Variants in PAPPA observed in about 807,000 individuals in gnomAD.
PAPPA encodes the protein pappalysin 1.
In PAPPA, 60 loss-of-function variants were observed where a neutral mutation model predicts 164.0. The ratio of observed to expected loss-of-function variants is 0.37; its 90% confidence interval spans 0.30 to 0.45. The LOEUF (loss-of-function observed/expected upper bound fraction) is 0.45. Among genes scored for constraint, PAPPA ranks in the 20% least tolerant of loss-of-function variants. The probability of loss-of-function intolerance (pLI) is 1.00; values close to 1 mark genes in which losing one functional copy is unlikely to be tolerated. For missense variants in PAPPA, 1,782 were observed against 2,087.3 expected (o/e 0.85, Z 2.85); for synonymous variants, 875 against 814.1 (o/e 1.07, Z -1.27).
chr9:116,292,455 A>C (rs1056782635), intron 9 of PAPPA, among the ~76,000 whole-genome samples: 1 of 152,138 alleles, frequency 6.6e-6, no homozygotes, highest in Non-Finnish European at 1.5e-5. Flanking sequence ...AGGAGCCTAT[A>C]AGGTATACTG....
At chr9:116,333,334 C>T (rs753543259) in intron 12 of PAPPA, among the ~76,000 whole-genome samples, 9 of 152,168 alleles carry the variant, frequency 5.9e-5, no homozygotes, top group Admixed American at 5.9e-4. Context: ...TGTAACCATG[C>T]CTAGCACAAG....
intron 9 of PAPPA, among the ~76,000 whole-genome samples, chr9:116,296,189 G>A (rs1845504201): frequency 6.6e-6 from 1 of 152,204 alleles, no homozygotes. Flanking sequence ...TAGTGAAGCT[G>A]ATAAATCTTT....
chr9:116,360,964 A>T (rs1238332629), intron 17 of PAPPA, among the ~76,000 whole-genome samples: 3 of 152,202 alleles, frequency 2.0e-5, no homozygotes, highest in Admixed American at 2.0e-4. Flanking sequence ...GTTGTGCCAG[A>T]TAAGGTATTT....
chr9:116,211,724 C>T lies in PAPPA; in HGVS notation c.1710C>T (p.Leu570=). The change falls in exon 4 of 22, where the codon CTC becomes CTT. Residue 570 remains leucine (L), a synonymous_variant. Coordinates refer to ENST00000328252, the MANE Select transcript of PAPPA (RefSeq NM_002581.5). Reference sequence around the variant, plus strand: ...ATGAGATTGGTCACAGCCTGGGCCTCTATCACGTCTTCCGAGGCATCTCAG... The same window carrying T: ...ATGAGATTGGTCACAGCCTGGGCCTTTATCACGTCTTCCGAGGCATCTCAG... The part of the protein sequence containing the change: ...MIHEIGHSLG[L]YHVFRGISEI... 6.2e-7 allele frequency: 1 copy of T among 1,614,126 alleles called. No individual in the cohort carries two copies. Among genetic ancestry groups the T allele is most frequent in the Non-Finnish European group, 8.5e-7 (1 of 1,179,998 alleles).
In PAPPA at chr9:116,401,575, G is replaced by C. The variant is rs1273851645; in HGVS notation, c.*4959G>C. ...ACATATATATGCACATGTATATATA[G>C]TTGTACATATATGTGTGTATATATA... On this transcript the variant is annotated 3_prime_UTR_variant, in exon 22 of 22. Coordinates refer to ENST00000328252, the MANE Select transcript of PAPPA (RefSeq NM_002581.5). 6.6e-6 allele frequency: 1 copy of C among 150,820 alleles called. No homozygotes were observed. The highest frequency in any genetic ancestry group is 1.5e-5 in the Non-Finnish European group (1 of 67,710). 9.3% of individuals were successfully genotyped at this position (150,820 alleles called of 1,614,324 possible). A position where few individuals can be genotyped will look rare whatever the true frequency, so the allele number is the denominator to read the frequency against.
chr9:116,362,228 G>A (rs1465712894), intron 17 of PAPPA, among the ~76,000 whole-genome samples: 1 of 151,904 alleles, frequency 6.6e-6, no homozygotes, highest in East Asian at 1.9e-4. Context: ...GTCATTCAAG[G>A]AGCTGATGGG....
intron 11 of PAPPA, 49 bp from the exon 12 acceptor site, chr9:116,332,284 C>T (rs777678321): frequency 2.5e-6 from 4 of 1,571,024 alleles, no homozygotes; most frequent in Non-Finnish European, 3.5e-6. Flanking sequence ...TGCCTCCCCA[C>T]CACATGACTG....
rs185986110 is a variant in PAPPA, at chr9:116,365,487, G to A, written c.4496-2158G>A. 1.4e-4 allele frequency among the ~76,000 whole-genome samples: 21 copies of A among 151,472 alleles called. No individual in the cohort carries two copies. In the East Asian group the frequency reaches 2.9e-3, roughly 21 times the overall value. On this transcript the variant is annotated intron_variant, in intron 18 of 21. Transcript: ENST00000328252. ...AGGAGAGCCTGGGGGAGGGAGACGC[G>A]GAGAAAGAGAAATTAAGACATGACC...
intron 18 of PAPPA, among the ~76,000 whole-genome samples, chr9:116,366,914 C>T (rs1202513160): frequency 1.3e-5 from 2 of 152,064 alleles, no homozygotes; most frequent in East Asian, 3.9e-4. Context: ...CTTTAAGGCA[C>T]AGGGAAAGGC....
chr9:116,323,298 T>A (rs1482337144), intron 10 of PAPPA, among the ~76,000 whole-genome samples: 1 of 151,608 alleles, frequency 6.6e-6, no homozygotes, highest in Non-Finnish European at 1.5e-5. Context: ...AGCCACAGAG[T>A]CCTCTGTTTC....
At chr9:116,213,546 T>C (rs1242628460) in intron 4 of PAPPA, among the ~76,000 whole-genome samples, 1 of 152,100 alleles carries the variant, frequency 6.6e-6, no homozygotes, top group African/African-American at 2.4e-5. Context: ...TCCATTTCTA[T>C]AGCACCTTTT....
At position 116,301,629 on chromosome 9, in the gene PAPPA, C is replaced by G. The variant is rs1389794452; in HGVS notation, c.2954-1128C>G. ...ACTGCTAGCTTTGTGCTTCTGTTAT[C>G]CTTGTCCTTGCAGCTAAGTGAGAAT... is the stretch of plus-strand genomic sequence containing the variant. On this transcript the variant is annotated intron_variant, in intron 9 of 21. Coordinates refer to ENST00000328252, the MANE Select transcript of PAPPA (RefSeq NM_002581.5). 2.6e-5 allele frequency among the ~76,000 whole-genome samples: 4 copies of G among 152,220 alleles called. No individual in the cohort carries two copies. The South Asian group carries it at 6.2e-4, about 24-fold the overall frequency.
chr9:116,374,158 T>TTGG (rs976926914), intron 19 of PAPPA, among the ~76,000 whole-genome samples: 1 of 143,702 alleles, frequency 7.0e-6, no homozygotes, highest in African/African-American at 2.6e-5. Context: ...GGTGGTAGTG[T>TTGG]TGGTGGTGGT....
At chr9:116,168,942 G>A (rs1290928236) in intron 1 of PAPPA, among the ~76,000 whole-genome samples, 3 of 152,042 alleles carry the variant, frequency 2.0e-5, no homozygotes, top group Admixed American at 1.3e-4. Flanking sequence ...CTTTTACTTC[G>A]CACAATACTA....
intron 18 of PAPPA, among the ~76,000 whole-genome samples, chr9:116,366,501 G>A (rs1010183281): frequency 2.6e-5 from 4 of 151,654 alleles, no homozygotes; most frequent in Non-Finnish European, 5.9e-5. Flanking sequence ...TCCTTCATAC[G>A]ACACCTAAAT....
intron 13 of PAPPA, among the ~76,000 whole-genome samples, chr9:116,337,519 C>CTTTTT (rs1846076725): frequency 6.6e-6 from 1 of 152,158 alleles, no homozygotes; most frequent in African/African-American, 2.4e-5. Context: ...TTTTATAACA[C>CTTTTT]AAATTTCAAC....
At chr9:116,222,412 A>C (rs1003621386) in intron 5 of PAPPA, among the ~76,000 whole-genome samples, 1 of 152,162 alleles carries the variant, frequency 6.6e-6, no homozygotes, top group African/African-American at 2.4e-5. Context: ...TGCATTTTCA[A>C]CTTACCGTAT....
intron 21 of PAPPA, among the ~76,000 whole-genome samples, chr9:116,393,894 T>A (rs916015888): frequency 6.6e-6 from 1 of 152,140 alleles, no homozygotes; most frequent in Non-Finnish European, 1.5e-5. Flanking sequence ...AGAAATCAGA[T>A]CATGCAAGGC....
Position 116,347,307 on chromosome 9 carries a change from G to A in PAPPA, c.3964+98G>A, listed in dbSNP as rs1846224420. 9.5e-7 allele frequency: 1 copy of A among 1,058,126 alleles called. No homozygotes were observed. The highest frequency in any genetic ancestry group is 1.6e-5 in the African/African-American group (1 of 62,618). 65.5% of individuals were successfully genotyped at this position (1,058,126 alleles called of 1,614,324 possible). Reference sequence around the variant, plus strand: ...TTTCTGGGTCTCAAACACCAAGGGTGGGATGGGTTTTATCTATGCTCCTGA... The same window carrying A: ...TTTCTGGGTCTCAAACACCAAGGGTAGGATGGGTTTTATCTATGCTCCTGA... On this transcript the variant is annotated intron_variant, in intron 15 of 21. Coordinates refer to ENST00000328252, the MANE Select transcript of PAPPA (RefSeq NM_002581.5). This position sits in a 1 kb window ranked among gnomAD's most constrained non-coding sequence, Gnocchi z 4.5.
Sources: allele counts gnomAD v4.1 joint callset (sites outside exome capture counted in the v4.1 genomes callset), GRCh38; gene constraint gnomAD v4.1.1; non-coding constraint Gnocchi (gnomAD v3.1); transcripts MANE v1.5; gene names NCBI Gene and HGNC (gene_info 2026-07-23, HGNC 2026-07-21).